HERC1: variants seen among roughly 807,000 people sequenced by gnomAD.
The protein encoded by HERC1 is HECT and RLD domain containing E3 ubiquitin protein ligase family member 1.
In HERC1, 160 loss-of-function variants were observed where a neutral mutation model predicts 554.3. The ratio of observed to expected loss-of-function variants is 0.29; its 90% CI spans 0.25 to 0.33. The LOEUF (loss-of-function observed/expected upper bound fraction) is 0.33, where lower values mean the gene tolerates loss of function less well. HERC1 is among the 10% of genes least tolerant of loss of function. The probability of loss-of-function intolerance (pLI) is 1.00; values close to 1 mark genes in which losing one functional copy is unlikely to be tolerated. For synonymous variants in HERC1, 2,175 were observed against 2,131.7 expected, an observed-to-expected ratio of 1.02 and a Z score of -0.56; for missense variants, 4,919 against 5,918.5, an observed-to-expected ratio of 0.83 and a Z score of 5.54.
At chr15:63,634,256 TCA>T (rs1480106070) in intron 66 of HERC1, among the ~76,000 whole-genome samples, 3 of 152,200 alleles carry the variant, frequency 2.0e-5, no homozygotes, top group Admixed American at 2.0e-4. Flanking sequence ...CCAAAAATAT[TCA>T]TTCATATCAA....
intron 53 of HERC1, among the ~76,000 whole-genome samples, chr15:63,650,660 C>G (rs12324588): frequency 0.14 from 21,565 of 152,120 alleles, 2,064 homozygotes; most frequent in Middle Eastern, 0.21. Flanking sequence ...TACAAATGTA[C>G]AAATGTCAAG....
At chr15:63,662,721 G>C (rs2070422593) in intron 44 of HERC1, among the ~76,000 whole-genome samples, 1 of 152,130 alleles carries the variant, frequency 6.6e-6, no homozygotes, top group Non-Finnish European at 1.5e-5. Flanking sequence ...TTTGACATCA[G>C]AATCAAATAT....
At chr15:63,666,908 A>G (rs1454789562) in intron 40 of HERC1, among the ~76,000 whole-genome samples, 1 of 152,218 alleles carries the variant, frequency 6.6e-6, no homozygotes, top group Admixed American at 6.5e-5. Flanking sequence ...CTCTCATGTG[A>G]AAAACAAGTG....
In HERC1 at chr15:63,624,304, A is replaced by C. The variant is rs1461202097; in HGVS notation, c.13299T>G (p.Ala4433=). ...GTCCCTGTACAATGCCCCAAGTTCC[A>C]GCATTATAATGGGATGTGCTGTTCT... is the stretch of plus-strand genomic sequence containing the variant. The part of the protein sequence containing the change: ...NNQNSTSHYN[A]GTWGIVQGQL... The change falls in exon 72 of 78, where the codon GCT becomes GCG. Residue 4433 remains alanine, a synonymous_variant. Transcript: ENST00000443617. 1.9e-6 allele frequency: 3 copies of C among 1,611,208 alleles called. No homozygotes were observed. The African/African-American group carries it at 4.0e-5, about 22-fold the overall frequency.
intron 19 of HERC1, among the ~76,000 whole-genome samples, chr15:63,722,781 A>C (rs2073875941): frequency 6.6e-6 from 1 of 152,168 alleles, no homozygotes; most frequent in African/African-American, 2.4e-5. Context: ...CTAATTTATA[A>C]ATTAAACTTT....
intron 1 of HERC1, among the ~76,000 whole-genome samples, chr15:63,794,396 T>C (rs2144401390): frequency 6.6e-6 from 1 of 152,292 alleles, no homozygotes; most frequent in African/African-American, 2.4e-5. Flanking sequence ...TTACTAGCTA[T>C]TACTGGTTGA....
chr15:63,687,771 C>T (rs1053373330), intron 33 of HERC1, among the ~76,000 whole-genome samples: 36 of 152,142 alleles, frequency 2.4e-4, no homozygotes, highest in Middle Eastern at 3.4e-3. Flanking sequence ...GAGTGTGTGG[C>T]AACTACTCTA....
chr15:63,698,618 G>C lies in HERC1; in HGVS notation c.4905+110C>G, dbSNP rs2072558809. ...GTTTAAAAGCTCAGGTACAGGAAAG[G>C]GGAAGGCAAGGAATAGAAGAAAAGG... On this transcript the variant is annotated intron_variant, in intron 26 of 77. Coordinates refer to ENST00000443617, the MANE Select transcript of HERC1 (RefSeq NM_003922.4). 4.7e-6 allele frequency: 5 copies of C among 1,060,556 alleles called. No individual in the cohort carries two copies. The Admixed American group carries it at 1.1e-4, about 24-fold the overall frequency. The allele number at this position is 1,060,556 out of a possible 1,614,324, so 65.7% of individuals were successfully genotyped here.
chr15:63,737,562 A>T (rs1175114330), intron 12 of HERC1, among the ~76,000 whole-genome samples: 90 of 79,394 alleles, frequency 1.1e-3, no homozygotes, highest in Middle Eastern at 9.8e-3. Context: ...TTTTTTTTTT[A>T]GTAGAGAAGG....
intron 1 of HERC1, among the ~76,000 whole-genome samples, chr15:63,828,478 T>TA: frequency 6.6e-6 from 1 of 152,266 alleles, no homozygotes; most frequent in South Asian, 2.1e-4. Flanking sequence ...TAGCTGGGAT[T>TA]ACAGGCAAGC....
intron 26 of HERC1, among the ~76,000 whole-genome samples, chr15:63,697,409 C>T (rs2072477468): frequency 1.3e-5 from 2 of 150,594 alleles, no homozygotes; most frequent in Admixed American, 1.3e-4. Flanking sequence ...GTTCTCATTA[C>T]ACTATATCGA....
intron 1 of HERC1, 63 bp downstream of exon 1, chr15:63,833,764 C>T (rs979017001): frequency 6.6e-6 from 1 of 151,070 alleles, no homozygotes. Flanking sequence ...CACACACACA[C>T]ACACACACAC....
At chr15:63,748,632 T>C (rs1004475346) in intron 10 of HERC1, among the ~76,000 whole-genome samples, 1 of 152,230 alleles carries the variant, frequency 6.6e-6, no homozygotes, top group African/African-American at 2.4e-5. Flanking sequence ...GTAATGCTAA[T>C]AGCAAATTAT....
At chr15:63,739,946 T>C (rs2074726919) in intron 12 of HERC1, among the ~76,000 whole-genome samples, 1 of 152,100 alleles carries the variant, frequency 6.6e-6, no homozygotes, top group African/African-American at 2.4e-5. Flanking sequence ...AGTCTCACTC[T>C]GTTGCCCAGG....
intron 39 of HERC1, among the ~76,000 whole-genome samples, chr15:63,671,433 A>C (rs1381132127): frequency 6.6e-6 from 1 of 152,032 alleles, no homozygotes; most frequent in African/African-American, 2.4e-5. Flanking sequence ...TATCTTCCTT[A>C]TTCTTTGAAC....
intron 43 of HERC1, among the ~76,000 whole-genome samples, chr15:63,663,504 G>A (rs1421055655): frequency 1.3e-5 from 2 of 152,196 alleles, no homozygotes; most frequent in Non-Finnish European, 2.9e-5. Flanking sequence ...CACTCAAGCT[G>A]GAGTGCAATG....
At chr15:63,657,247 T>C (rs546258314) in intron 48 of HERC1, among the ~76,000 whole-genome samples, 91 of 151,318 alleles carry the variant, frequency 6.0e-4, no homozygotes, top group African/African-American at 2.1e-3. Context: ...CATTGGTGGG[T>C]TTTTTGTCTT....
intron 24 of HERC1, among the ~76,000 whole-genome samples, chr15:63,709,115 G>T (rs1263331548): frequency 2.0e-5 from 3 of 151,210 alleles, no homozygotes; most frequent in Non-Finnish European, 4.4e-5. Flanking sequence ...TCAGCCTCCC[G>T]AGTAGCTGGG....
intron 65 of HERC1, 47 bp from the exon 66 acceptor site, chr15:63,634,935 A>C: frequency 6.9e-7 from 1 of 1,449,302 alleles, no homozygotes; most frequent in Non-Finnish European, 9.4e-7. Flanking sequence ...AGGGAAACTA[A>C]GAAAAAAGTA....
Sources: gnomAD v4.1 joint callset for allele counts (sites outside exome capture counted in the v4.1 genomes callset) on GRCh38, gnomAD v4.1.1 for gene constraint, MANE v1.5 for transcripts, NCBI Gene and HGNC (gene_info 2026-07-23, HGNC 2026-07-21) for gene names.